The following TRAPPC8 variants were observed in gnomAD, a reference collection of about 807,000 sequenced individuals.
TRAPPC8 encodes the protein trafficking protein particle complex subunit 8, also known as general sporulation gene 1 homolog.
Under a neutral mutation model 174.3 loss-of-function variants are expected in TRAPPC8, and 54 were observed. The ratio of observed to expected loss-of-function variants is 0.31; its 90% CI spans 0.25 to 0.39. TRAPPC8 has a LOEUF of 0.39. Among genes scored for constraint, TRAPPC8 ranks in the 10% least tolerant of loss-of-function variants. TRAPPC8 has a pLI of 1.00. For missense variants in TRAPPC8, 1,531 were observed against 1,699.1 expected (o/e 0.90, Z 1.74); for synonymous variants, 630 against 579.9 (o/e 1.09, Z -1.24).
Position 31,830,745 on chromosome 18 carries a change from T to G in TRAPPC8, c.*10A>C. The G allele has an allele frequency of 6.2e-7, 1 of 1,605,724 alleles. No individual in the cohort carries two copies. Among genetic ancestry groups the G allele is most frequent in the Non-Finnish European group, 8.5e-7 (1 of 1,173,932 alleles). ...GATTATTGTGGATTTCAGTACAAAT[T>G]TCCAAGTTGTCACACATTACTGATG... On this transcript the variant is annotated 3_prime_UTR_variant, in exon 29 of 29. Transcript: ENST00000283351.
chr18:31,919,593 A>G (rs963238955), intron 2 of TRAPPC8, among the ~76,000 whole-genome samples: 2 of 61,618 alleles, frequency 3.2e-5, no homozygotes, highest in African/African-American at 9.6e-5. Flanking sequence ...AATAAATAAA[A>G]TAATAATAAT....
Position 31,908,333 on chromosome 18 carries a change from A to G in TRAPPC8, c.1208T>C (p.Ile403Thr). Residue 403 changes from isoleucine to threonine, a missense_variant, in exon 8 of 29, where the codon ATT becomes ACT. Physicochemically the swap from Ile to Thr is moderately conservative, Grantham distance 89. Transcript: ENST00000283351. ...FSGSKVPEKS[I>T]NDLKNTSGLL... ...GCCAGATGTATTTTTCAGGTCATTA[A>G]TGCTCTTTTCTGGAACTTTACTGCC... 1 of 1,606,074 alleles carries G rather than the reference A, an allele frequency of 6.2e-7. No homozygotes were observed. Among genetic ancestry groups the G allele is most frequent in the Non-Finnish European group, 8.5e-7 (1 of 1,176,558 alleles).
At chr18:31,895,486 A>C (rs962832327) in intron 11 of TRAPPC8, among the ~76,000 whole-genome samples, 7 of 152,186 alleles carry the variant, frequency 4.6e-5, no homozygotes, top group Admixed American at 4.6e-4. Context: ...TGATAAAACA[A>C]ATCATCCAGA....
At chr18:31,854,573 A>G (rs2033891511) in intron 21 of TRAPPC8, among the ~76,000 whole-genome samples, 1 of 152,206 alleles carries the variant, frequency 6.6e-6, no homozygotes, top group South Asian at 2.1e-4. Flanking sequence ...AGTAAAGAAC[A>G]TTACAGAATT....
chr18:31,904,236 C>CAAA (rs113613252), intron 9 of TRAPPC8, among the ~76,000 whole-genome samples: 78 of 92,192 alleles, frequency 8.5e-4, no homozygotes, highest in African/African-American at 2.7e-3. Context: ...ACCTTGCCTC[C>CAAA]AAAAAAAAAA....
intron 2 of TRAPPC8, among the ~76,000 whole-genome samples, chr18:31,926,971 A>G (rs2037642685): frequency 1.3e-5 from 2 of 152,334 alleles, no homozygotes; most frequent in East Asian, 3.9e-4. Flanking sequence ...AGACAGCCAT[A>G]TAAAAATATT....
intron 16 of TRAPPC8, among the ~76,000 whole-genome samples, chr18:31,867,776 G>A (rs2034658143): frequency 6.6e-6 from 1 of 152,012 alleles, no homozygotes; most frequent in Non-Finnish European, 1.5e-5. Flanking sequence ...CTACTCAGGA[G>A]GCTGAGGCAG....
chr18:31,838,597 CTA>C (rs1555653673), intron 27 of TRAPPC8, among the ~76,000 whole-genome samples: 1 of 152,170 alleles, frequency 6.6e-6, no homozygotes, highest in African/African-American at 2.4e-5. Flanking sequence ...GCTTCTCAAC[CTA>C]TGATGTCATG....
chr18:31,922,741 T>C lies in TRAPPC8; in HGVS notation c.353-5074A>G, dbSNP rs183069182. 1.1e-3 allele frequency among the ~76,000 whole-genome samples: 171 copies of C among 150,116 alleles called. 1 individual carries two copies. The highest frequency in any genetic ancestry group is 4.1e-3 in the African/African-American group (166 of 40,938). On this transcript the variant is annotated intron_variant, in intron 2 of 28. Transcript: ENST00000283351. ...TTTTCCTACTAAAGTTTTCTGGCCA[T>C]GTTCAGTGGCTCACGCCTGTAATCC... is the stretch of plus-strand genomic sequence containing the variant.
intron 3 of TRAPPC8, among the ~76,000 whole-genome samples, chr18:31,917,062 T>C (rs2037180158): frequency 6.6e-6 from 1 of 151,810 alleles, no homozygotes; most frequent in African/African-American, 2.4e-5. Flanking sequence ...TGCTGCATCT[T>C]GCTTCTCTCC....
intron 1 of TRAPPC8, among the ~76,000 whole-genome samples, chr18:31,935,861 G>A (rs1192787622): frequency 3.3e-5 from 5 of 151,226 alleles, no homozygotes; most frequent in Non-Finnish European, 7.4e-5. Flanking sequence ...TCAGCCTCCC[G>A]AGTAGCTGGG....
intron 19 of TRAPPC8, among the ~76,000 whole-genome samples, chr18:31,858,747 AT>A (rs1266834799): frequency 1.3e-5 from 2 of 152,192 alleles, no homozygotes; most frequent in Non-Finnish European, 2.9e-5. Flanking sequence ...AGAGACAGAA[AT>A]TTGGGCTAAT....
intron 11 of TRAPPC8, among the ~76,000 whole-genome samples, chr18:31,891,517 C>A (rs895071640): frequency 6.6e-6 from 1 of 152,166 alleles, no homozygotes; most frequent in Non-Finnish European, 1.5e-5. Context: ...CTGAATCTTA[C>A]AGTACAGCAT....
intron 27 of TRAPPC8, among the ~76,000 whole-genome samples, chr18:31,834,001 C>CAAAAAAA (rs35469149): frequency 7.9e-5 from 8 of 101,126 alleles, no homozygotes; most frequent in African/African-American, 3.1e-4. Context: ...GACTCCGTCT[C>CAAAAAAA]AAAAAAAAAA....
At chr18:31,880,030 A>G (rs1166486930) in intron 12 of TRAPPC8, among the ~76,000 whole-genome samples, 1 of 145,290 alleles carries the variant, frequency 6.9e-6, no homozygotes, top group Non-Finnish European at 1.5e-5. Flanking sequence ...TCAAAGCCAA[A>G]TTCTACCATA....
At chr18:31,894,936 G>A (rs2036121609) in intron 11 of TRAPPC8, among the ~76,000 whole-genome samples, 1 of 152,168 alleles carries the variant, frequency 6.6e-6, no homozygotes, top group South Asian at 2.1e-4. Context: ...ACACAAGTAG[G>A]TATGTCTTAA....
chr18:31,836,394 G>T (rs2032721674), intron 27 of TRAPPC8, among the ~76,000 whole-genome samples: 1 of 152,074 alleles, frequency 6.6e-6, no homozygotes, highest in Non-Finnish European at 1.5e-5. Flanking sequence ...ATTCCATAGG[G>T]TTTTTTAACC....
chr18:31,841,865 A>G (rs995562502), intron 26 of TRAPPC8, among the ~76,000 whole-genome samples: 1 of 152,186 alleles, frequency 6.6e-6, no homozygotes, highest in Non-Finnish European at 1.5e-5. Flanking sequence ...TCTCTAGCTG[A>G]ATGTTTTTAA....
intron 11 of TRAPPC8, among the ~76,000 whole-genome samples, chr18:31,895,481 A>C (rs183433307): frequency 1.3e-5 from 2 of 152,330 alleles, no homozygotes; most frequent in Admixed American, 1.3e-4. Context: ...TTTCATGATA[A>C]AACAAATCAT....
Sources: gnomAD v4.1 joint callset for allele counts (sites outside exome capture counted in the v4.1 genomes callset) on GRCh38, gnomAD v4.1.1 for gene constraint, MANE v1.5 for transcripts, NCBI Gene and HGNC (gene_info 2026-07-23, HGNC 2026-07-21) for gene names.